The following TMTC1 variants were observed in gnomAD, a reference collection of about 807,000 sequenced individuals.
TMTC1 encodes transmembrane O-mannosyltransferase targeting cadherins 1, also known as protein O-mannosyl-transferase TMTC1.
In TMTC1, 73 loss-of-function variants were observed where a neutral mutation model predicts 104.8. The observed-to-expected ratio is 0.70, with a 90% confidence interval of 0.58 to 0.85. The LOEUF is 0.85. Ranked by LOEUF, TMTC1 falls within the 40% of genes least tolerant of loss-of-function variation. The pLI, the probability that TMTC1 is intolerant of heterozygous loss-of-function variation, is 0.00. For missense variants in TMTC1, 1,035 were observed against 1,096.1 expected (o/e 0.94, Z 0.79); for synonymous variants, 434 against 428.7 (o/e 1.01, Z -0.15).
chr12:29,612,122 G>T (rs2136430951), intron 6 of TMTC1, among the ~76,000 whole-genome samples: 1 of 152,280 alleles, frequency 6.6e-6, no homozygotes, highest in Admixed American at 6.5e-5. Flanking sequence ...CGAAGTTAAT[G>T]CCAAGTGTGG....
intron 6 of TMTC1, among the ~76,000 whole-genome samples, chr12:29,619,829 T>C (rs1395768824): frequency 6.6e-6 from 1 of 152,216 alleles, no homozygotes; most frequent in African/African-American, 2.4e-5. Flanking sequence ...TTGAACATAC[T>C]ACCTTCCCGA....
chr12:29,766,119 A>G (rs1284376777), intron 2 of TMTC1, among the ~76,000 whole-genome samples: 1 of 152,210 alleles, frequency 6.6e-6, no homozygotes, highest in Non-Finnish European at 1.5e-5. Context: ...ATCCACTTAA[A>G]GGCACCTTGC....
chr12:29,508,444 G>A (rs1327992304), intron 17 of TMTC1, among the ~76,000 whole-genome samples: 2 of 152,176 alleles, frequency 1.3e-5, no homozygotes, highest in African/African-American at 4.8e-5. Context: ...CTTTTGAAAT[G>A]ATTCTTCCAG....
chr12:29,744,622 A>C (rs1169029083), intron 5 of TMTC1, among the ~76,000 whole-genome samples: 1 of 152,228 alleles, frequency 6.6e-6, no homozygotes, highest in Non-Finnish European at 1.5e-5. Flanking sequence ...GCTTTACCAC[A>C]TACTCTGGGT....
At chr12:29,745,897 G>A (rs552858780) in intron 5 of TMTC1, among the ~76,000 whole-genome samples, 2 of 152,032 alleles carry the variant, frequency 1.3e-5, no homozygotes, top group East Asian at 3.9e-4. Context: ...ATCTGAATAC[G>A]GTCACCTAAA....
intron 9 of TMTC1, among the ~76,000 whole-genome samples, chr12:29,557,570 C>T (rs1365171382): frequency 1.3e-5 from 2 of 152,262 alleles, no homozygotes; most frequent in East Asian, 1.9e-4. Flanking sequence ...CCTGCTCAGC[C>T]TCCCAAGTAG....
chr12:29,573,524 G>T (rs1945738899), intron 8 of TMTC1, among the ~76,000 whole-genome samples: 1 of 152,160 alleles, frequency 6.6e-6, no homozygotes, highest in Non-Finnish European at 1.5e-5. Context: ...AGGAGGAGGG[G>T]ATTACAAGAT....
intron 11 of TMTC1, among the ~76,000 whole-genome samples, chr12:29,523,906 A>C (rs1366380224): frequency 1.3e-5 from 2 of 152,070 alleles, no homozygotes; most frequent in African/African-American, 4.8e-5. Flanking sequence ...GGCCTATTGT[A>C]TGAACTCAGT....
At chr12:29,543,050 G>A (rs1172683956) in intron 10 of TMTC1, among the ~76,000 whole-genome samples, 1 of 152,164 alleles carries the variant, frequency 6.6e-6, no homozygotes, top group African/African-American at 2.4e-5. Flanking sequence ...TCCCGAGAAT[G>A]TGTTCCTGGG....
chr12:29,702,685 CA>C, intron 5 of TMTC1, among the ~76,000 whole-genome samples: 1 of 152,304 alleles, frequency 6.6e-6, no homozygotes, highest in East Asian at 1.9e-4. Context: ...CGAGGCAGCG[CA>C]GGCCATTGGG....
chr12:29,775,409 C>A (rs1462610576), intron 1 of TMTC1, among the ~76,000 whole-genome samples: 33 of 152,164 alleles, frequency 2.2e-4, no homozygotes, highest in Admixed American at 2.2e-3. Context: ...GCTACATAAT[C>A]AGGGCCTCCC....
At chr12:29,653,120 G>C (rs77102454) in intron 5 of TMTC1, among the ~76,000 whole-genome samples, 1 of 151,252 alleles carries the variant, frequency 6.6e-6, no homozygotes, top group African/African-American at 2.4e-5. Context: ...TATATATCTG[G>C]CAATGGCCAG....
At chr12:29,566,783 C>A (rs562279762) in intron 9 of TMTC1, among the ~76,000 whole-genome samples, 1 of 152,294 alleles carries the variant, frequency 6.6e-6, no homozygotes, top group South Asian at 2.1e-4. Context: ...TCCTCCAACC[C>A]TATGAGGTAG....
intron 11 of TMTC1, chr12:29,534,846 A>T (rs1944599183): frequency 1.3e-5 from 2 of 152,190 alleles, no homozygotes; most frequent in African/African-American, 4.8e-5. Flanking sequence ...AGATGGTGAT[A>T]AATACTATAG....
At chr12:29,648,879 T>C (rs902713009) in intron 5 of TMTC1, among the ~76,000 whole-genome samples, 1 of 152,148 alleles carries the variant, frequency 6.6e-6, no homozygotes, top group Non-Finnish European at 1.5e-5. Flanking sequence ...TTACTAAGTC[T>C]TCTAAATGCG....
At chr12:29,751,005 T>C (rs1032625836) in intron 5 of TMTC1, among the ~76,000 whole-genome samples, 1 of 152,260 alleles carries the variant, frequency 6.6e-6, no homozygotes, top group East Asian at 1.9e-4. Context: ...CCCAATTCAT[T>C]ATTCACTGTC....
At chr12:29,531,937 G>A (rs1302946556) in intron 11 of TMTC1, among the ~76,000 whole-genome samples, 1 of 152,120 alleles carries the variant, frequency 6.6e-6, no homozygotes, top group Non-Finnish European at 1.5e-5. Flanking sequence ...TCTAATGCAA[G>A]AGTGGCAGGT....
intron 5 of TMTC1, among the ~76,000 whole-genome samples, chr12:29,676,223 A>G (rs936166831): frequency 2.0e-5 from 3 of 152,200 alleles, no homozygotes; most frequent in Admixed American, 1.3e-4. Context: ...ATCCATTTTA[A>G]TTTTTAAATA....
At chr12:29,568,983 T>A in intron 9 of TMTC1, 2 of 456,026 alleles carry the variant, frequency 4.4e-6, no homozygotes, top group South Asian at 3.1e-5. Context: ...GCTTTATTAT[T>A]ACTGCAGGAG....
Sources: allele counts gnomAD v4.1 joint callset (sites outside exome capture counted in the v4.1 genomes callset), GRCh38; gene constraint gnomAD v4.1.1; transcripts MANE v1.5; gene names NCBI Gene and HGNC (gene_info 2026-07-23, HGNC 2026-07-21).